RUNX1: variants seen among roughly 807,000 people sequenced by gnomAD.
RUNX1 encodes RUNX family transcription factor 1, also known as runt-related transcription factor 1.
Under a neutral mutation model 42.8 loss-of-function variants are expected in RUNX1, and 19 were observed. The ratio of observed to expected loss-of-function variants is 0.44; its 90% confidence interval spans 0.31 to 0.65. The LOEUF (loss-of-function observed/expected upper bound fraction) is 0.65, where lower values mean the gene tolerates loss of function less well. Among genes scored for constraint, RUNX1 ranks in the 30% least tolerant of loss-of-function variants. The pLI, the probability that RUNX1 is intolerant of heterozygous loss-of-function variation, is 0.07. For synonymous variants in RUNX1, 271 were observed against 289.4 expected (o/e 0.94, Z 0.64); for missense variants, 528 against 672.0 (o/e 0.79, Z 2.37).
Position 34,958,335 on chromosome 21 carries a change from ACT to A in RUNX1, c.59-65374_59-65373del, listed in dbSNP as rs912605005. 5.3e-5 allele frequency among the ~76,000 whole-genome samples: 8 copies of A among 152,262 alleles called. No individual in the cohort carries two copies. In the East Asian group the frequency reaches 1.5e-3, roughly 29 times the overall value. ...TTTTAAGTCCTTCCTTGCTCTAAAGACTCAAACAAATTTACAAGAAAAAAACA... is the reference window on the plus strand; with the variant it reads ...TTTTAAGTCCTTCCTTGCTCTAAAGACAAACAAATTTACAAGAAAAAAACA... On this transcript the variant is annotated intron_variant, in intron 2 of 8. Transcript: ENST00000675419.
intron 6 of RUNX1, among the ~76,000 whole-genome samples, chr21:34,849,381 A>C (rs1261633798): frequency 2.5e-5 from 1 of 39,516 alleles, no homozygotes; most frequent in Non-Finnish European, 4.7e-5. Context: ...TACTATATAC[A>C]TAGTATATAT....
intron 2 of RUNX1, among the ~76,000 whole-genome samples, chr21:34,932,825 A>C (rs2058457833): frequency 6.6e-6 from 1 of 152,132 alleles, no homozygotes; most frequent in Non-Finnish European, 1.5e-5. Context: ...TGCCTAGTGG[A>C]ACCTCATTAC....
chr21:34,986,573 G>A (rs2058889526), intron 2 of RUNX1, among the ~76,000 whole-genome samples: 1 of 148,830 alleles, frequency 6.7e-6, no homozygotes, highest in Non-Finnish European at 1.5e-5. Context: ...ACTAGATTAG[G>A]TTGGCTGCTA....
In RUNX1 at chr21:34,791,405, A is replaced by G. The variant is rs2056432399; in HGVS notation, c.*730T>C. 2 of 228,676 alleles carry G rather than the reference A, an allele frequency of 8.7e-6. No individual in the cohort carries two copies. Among genetic ancestry groups the G allele is most frequent in the African/African-American group, 4.6e-5 (2 of 43,270 alleles). The allele number at this position is 228,676 out of a possible 1,614,324, so 14.2% of individuals were successfully genotyped here. On this transcript the variant is annotated 3_prime_UTR_variant, in exon 9 of 9. Transcript: ENST00000675419. The stretch of plus-strand genomic sequence containing the variant: ...GATTCCTTGTGGGAATACAGTAGTT[A>G]AAAATGACCCAAAGCTGTAGCTGTT...
intron 7 of RUNX1, among the ~76,000 whole-genome samples, chr21:34,818,192 C>CCCACTCCTCCCCTGGGCTGCT: frequency 6.6e-6 from 1 of 152,312 alleles, no homozygotes; most frequent in South Asian, 2.1e-4. Context: ...GCCTATTCAC[C>CCCACTCCTCCCCTGGGCTGCT]CCACTCCTCC....
chr21:34,851,703 G>C (rs2057421127), intron 6 of RUNX1, among the ~76,000 whole-genome samples: 1 of 152,184 alleles, frequency 6.6e-6, no homozygotes, highest in Non-Finnish European at 1.5e-5. Flanking sequence ...GGTTTTGCGA[G>C]GGTCCAGACG....
intron 6 of RUNX1, among the ~76,000 whole-genome samples, chr21:34,847,482 G>A (rs1382453058): frequency 1.3e-5 from 2 of 150,942 alleles, no homozygotes; most frequent in East Asian, 1.9e-4. Flanking sequence ...AACAATAATA[G>A]ATTTTCTATT....
rs143368224 is a variant in RUNX1, at chr21:34,803,172, T to C, written c.806-3710A>G. On this transcript the variant is annotated intron_variant, in intron 7 of 8. Transcript: ENST00000675419. ...GGAGATTAAATGGTAAAGGGGCAAA[T>C]TTCCAAAGATTGGAAATTTGGGATT... 3.9e-3 allele frequency among the ~76,000 whole-genome samples: 595 copies of C among 152,012 alleles called. 3 individuals are homozygous for C. Among genetic ancestry groups the C allele is most frequent in the African/African-American group, 0.014 (567 of 41,452 alleles).
At chr21:35,015,916 G>A (rs1338616282) in intron 2 of RUNX1, among the ~76,000 whole-genome samples, 2 of 152,194 alleles carry the variant, frequency 1.3e-5, no homozygotes, top group Admixed American at 1.3e-4. Context: ...AAGTTGTCCT[G>A]CACCACACTC....
intron 2 of RUNX1, among the ~76,000 whole-genome samples, chr21:34,913,997 G>T (rs932696653): frequency 3.9e-5 from 6 of 152,140 alleles, no homozygotes; most frequent in Admixed American, 3.3e-4. Context: ...GAACATTCAG[G>T]AGGCATAAAA....
chr21:34,834,528 C>T lies in RUNX1; in HGVS notation c.687G>A (p.Glu229=), dbSNP rs557132194. ...CCCTCATGGCTGTGCGCCGCAGCTG[C>T]TCCAGTTCACTGAGCCGCTCGGAAA... ...LSFSERLSEL[E]QLRRTAMRVS... Residue 229 remains glutamate (E), a synonymous_variant, in exon 7 of 9, where the codon GAG becomes GAA. Transcript: ENST00000675419. 1 of 1,612,940 alleles carries T rather than the reference C, an allele frequency of 6.2e-7. No individual in the cohort carries two copies. Among genetic ancestry groups the T allele is most frequent in the South Asian group, 1.1e-5 (1 of 91,042 alleles).
At chr21:34,889,340 G>T (rs1316317724) in intron 3 of RUNX1, among the ~76,000 whole-genome samples, 1 of 152,150 alleles carries the variant, frequency 6.6e-6, no homozygotes, top group East Asian at 1.9e-4. Flanking sequence ...GTCCGCGCGT[G>T]CCGTTTGCTC....
At position 34,790,700 on chromosome 21, in the gene RUNX1, A is replaced by AG. The variant is rs1253369988; in HGVS notation, c.*1434dup. 4.3e-6 allele frequency: 1 copy of AG among 233,234 alleles called. No individual in the cohort carries two copies. Among genetic ancestry groups the AG allele is most frequent in the Non-Finnish European group, 8.5e-6 (1 of 118,092 alleles). 14.4% of individuals were successfully genotyped at this position (233,234 alleles called of 1,614,324 possible). On this transcript the variant is annotated 3_prime_UTR_variant, in exon 9 of 9. Transcript: ENST00000675419. ...TGTTGTTGAGTGAGCAGCACAGGAC[A>AG]GGGGGTCTCGCACAGGTGGGACCAT...
intron 6 of RUNX1, among the ~76,000 whole-genome samples, chr21:34,846,553 T>A (rs955900928): frequency 1.3e-5 from 2 of 152,170 alleles, no homozygotes; most frequent in African/African-American, 4.8e-5. Context: ...CTTCTGTAGA[T>A]GAGGAATCTG....
chr21:35,010,790 T>C (rs1364061050), intron 2 of RUNX1, among the ~76,000 whole-genome samples: 3 of 152,208 alleles, frequency 2.0e-5, no homozygotes, highest in Non-Finnish European at 2.9e-5. Context: ...TGATTTTCAA[T>C]GTGAAAATAA....
chr21:35,039,299 C>T lies in RUNX1; in HGVS notation c.58+9543G>A, dbSNP rs150348218. Among the ~76,000 whole-genome samples the T allele has an allele frequency of 2.5e-3, 375 of 152,242 alleles. 4 individuals are homozygous for T. The highest frequency in any genetic ancestry group is 8.4e-3 in the African/African-American group (347 of 41,530). On this transcript the variant is annotated intron_variant, in intron 2 of 8. Transcript: ENST00000675419. ...CAGGAGCTGAGAAGACCTGGTTTCT[C>T]GTTCGGACTCTGGCACCAACCAGCT...
chr21:35,015,420 A>G (rs2059152396), intron 2 of RUNX1, among the ~76,000 whole-genome samples: 1 of 152,176 alleles, frequency 6.6e-6, no homozygotes, highest in Non-Finnish European at 1.5e-5. Context: ...AGGAGACAAG[A>G]GAATGTTTAC....
chr21:34,815,034 A>C (rs1216458342), intron 7 of RUNX1, among the ~76,000 whole-genome samples: 2 of 151,292 alleles, frequency 1.3e-5, no homozygotes, highest in Non-Finnish European at 2.9e-5. Flanking sequence ...GGAAATGAAC[A>C]ACCTTTCCAA....
At chr21:34,919,380 T>C (rs2058336661) in intron 2 of RUNX1, among the ~76,000 whole-genome samples, 1 of 152,196 alleles carries the variant, frequency 6.6e-6, no homozygotes, top group Non-Finnish European at 1.5e-5. Context: ...ACATTTTACG[T>C]TTGAGCCCTG....
Sources: gnomAD v4.1 joint callset for allele counts (sites outside exome capture counted in the v4.1 genomes callset) on GRCh38, gnomAD v4.1.1 for gene constraint, MANE v1.5 for transcripts, NCBI Gene and HGNC (gene_info 2026-07-23, HGNC 2026-07-21) for gene names.